NPHP4: variants seen among roughly 807,000 people sequenced by gnomAD.
NPHP4 encodes nephrocystin 4, also known as nephrocystin-4.
NPHP4 carries 151 observed loss-of-function variants against 155.8 expected under a neutral mutation model. That is an observed-to-expected ratio of 0.97 (90% CI 0.85 to 1.11). NPHP4 has a LOEUF of 1.11. NPHP4 is among the 50% of genes least tolerant of loss of function. The pLI is 0.00. For missense variants in NPHP4, 1,956 were observed against 1,925.7 expected, an observed-to-expected ratio of 1.02 and a Z score of -0.29; for synonymous variants, 845 against 816.8, an observed-to-expected ratio of 1.03 and a Z score of -0.59.
rs1653442541 is a variant in NPHP4, at chr1:5,975,773, C to T, written c.279+2497G>A. On this transcript the variant is annotated intron_variant, in intron 3 of 29. Coordinates refer to ENST00000378156, the MANE Select transcript of NPHP4 (RefSeq NM_015102.5). The stretch of plus-strand genomic sequence containing the variant: ...GTGGTGAAATGCAAGTGCTGCCCAA[C>T]TTCCGCCGCAACGGAAGCCCTCGGA... Among the ~76,000 whole-genome samples, 3 of 152,252 alleles carry T rather than the reference C, an allele frequency of 2.0e-5. No individual in the cohort carries two copies. The South Asian group carries it at 6.2e-4, about 31-fold the overall frequency.
At chr1:5,939,096 G>A (rs778062443) in intron 9 of NPHP4, among the ~76,000 whole-genome samples, 9 of 152,138 alleles carry the variant, frequency 5.9e-5, no homozygotes, top group Non-Finnish European at 7.3e-5. Flanking sequence ...CAAAGCTGCC[G>A]CAGGATAAAC....
At chr1:5,872,467 G>C (rs930657459) in intron 23 of NPHP4, among the ~76,000 whole-genome samples, 1 of 152,194 alleles carries the variant, frequency 6.6e-6, no homozygotes, top group Admixed American at 6.5e-5. Flanking sequence ...CGTTAACCTA[G>C]AGCACTCAAT....
chr1:5,885,132 C>T lies in NPHP4; in HGVS notation c.2485+2154G>A, dbSNP rs1432580600. On this transcript the variant is annotated intron_variant, in intron 18 of 29. Transcript: ENST00000378156. ...CCCTGTCCTACTCCACAACCAAGAT[C>T]ACTGCCCAAGCTCCCAGCCGAACCC... Among the ~76,000 whole-genome samples, 3 of 148,712 alleles carry T rather than the reference C, an allele frequency of 2.0e-5. No individual in the cohort carries two copies. In the South Asian group the frequency reaches 6.5e-4, roughly 32 times the overall value.
At chr1:5,979,990 G>A (rs1244759917) in intron 2 of NPHP4, among the ~76,000 whole-genome samples, 2 of 152,008 alleles carry the variant, frequency 1.3e-5, no homozygotes, top group African/African-American at 4.8e-5. Context: ...CCTCTGTCTG[G>A]CTCACACACC....
intron 13 of NPHP4, among the ~76,000 whole-genome samples, chr1:5,906,050 T>C (rs1057465249): frequency 6.6e-6 from 1 of 152,252 alleles, no homozygotes; most frequent in East Asian, 1.9e-4. Context: ...GGGCATCCTA[T>C]ATTTCACGTG....
intron 11 of NPHP4, among the ~76,000 whole-genome samples, chr1:5,921,079 C>A (rs1047908571): frequency 2.6e-5 from 4 of 152,324 alleles, no homozygotes; most frequent in South Asian, 4.1e-4. Context: ...AATAAGTATG[C>A]ATTCATAAGC....
At chr1:5,902,415 T>C (rs2101087195) in intron 16 of NPHP4, among the ~76,000 whole-genome samples, 1 of 152,316 alleles carries the variant, frequency 6.6e-6, no homozygotes, top group South Asian at 2.1e-4. Context: ...ACACCCTCTT[T>C]ATCATGAATA....
At chr1:5,932,597 C>T (rs1646331651) in intron 10 of NPHP4, among the ~76,000 whole-genome samples, 1 of 151,960 alleles carries the variant, frequency 6.6e-6, no homozygotes, top group Admixed American at 6.5e-5. Flanking sequence ...ACACTTCAAC[C>T]CACTTCGCTC....
intron 18 of NPHP4, chr1:5,881,220 C>T (rs544222380): frequency 2.0e-5 from 3 of 152,462 alleles, no homozygotes; most frequent in African/African-American, 7.2e-5. Flanking sequence ...CCGTCAGAAG[C>T]TGCTGTTTTC....
intron 3 of NPHP4, among the ~76,000 whole-genome samples, chr1:5,974,157 G>A (rs1653090279): frequency 6.6e-6 from 1 of 152,238 alleles, no homozygotes; most frequent in African/African-American, 2.4e-5. Flanking sequence ...GCTCTGACGA[G>A]TAAGAGCCGC....
chr1:5,974,366 A>C (rs1400475915), intron 3 of NPHP4, among the ~76,000 whole-genome samples: 2 of 152,216 alleles, frequency 1.3e-5, no homozygotes, highest in Admixed American at 6.5e-5. Flanking sequence ...ACTCCCCCCA[A>C]ATAAATAAAG....
intron 23 of NPHP4, among the ~76,000 whole-genome samples, chr1:5,872,057 G>C (rs1366473927): frequency 6.6e-6 from 1 of 152,162 alleles, no homozygotes; most frequent in Non-Finnish European, 1.5e-5. Context: ...TATCTGACTA[G>C]TGCACAGCCA....
intron 23 of NPHP4, among the ~76,000 whole-genome samples, chr1:5,871,334 C>T (rs540507365): frequency 6.6e-6 from 1 of 152,280 alleles, no homozygotes; most frequent in African/African-American, 2.4e-5. Context: ...AAGAGCGGTG[C>T]CTCCATGGGA....
In NPHP4 at chr1:5,904,818, C is replaced by A. The variant is rs772117202; in HGVS notation, c.1956-14G>T. On this transcript the variant is annotated splice_polypyrimidine_tract_variant and intron_variant, in intron 15 of 29. Transcript: ENST00000378156. ...TCCTGGGCCACTCTGAATCCAACAA[C>A]AGCTCTGGGTTAACTGAGTATCCAT... 3 of 1,613,496 alleles carry A rather than the reference C, an allele frequency of 1.9e-6. No individual in the cohort carries two copies. The highest frequency in any genetic ancestry group is 2.5e-6 in the Non-Finnish European group (3 of 1,179,440).
intron 11 of NPHP4, among the ~76,000 whole-genome samples, chr1:5,911,338 G>A (rs1435977959): frequency 5.3e-5 from 8 of 152,146 alleles, no homozygotes; most frequent in South Asian, 2.1e-4. Flanking sequence ...CCGTTCCTCC[G>A]TAAATGGGAA....
At chr1:5,968,621 A>G (rs1354393265) in intron 4 of NPHP4, among the ~76,000 whole-genome samples, 2 of 151,106 alleles carry the variant, frequency 1.3e-5, no homozygotes, top group Non-Finnish European at 2.9e-5. Context: ...AAAAAGGCAA[A>G]CCCCCAAGCA....
chr1:5,923,258 T>G (rs545691973), intron 11 of NPHP4, among the ~76,000 whole-genome samples: 1 of 152,320 alleles, frequency 6.6e-6, no homozygotes, highest in South Asian at 2.1e-4. Context: ...AGAGTAACAG[T>G]GATCAGATTG....
intron 26 of NPHP4, chr1:5,865,616 C>T (rs955081672): frequency 8.5e-6 from 2 of 236,040 alleles, no homozygotes; most frequent in African/African-American, 4.5e-5. Flanking sequence ...TGTCCACCCC[C>T]AATAGGGGTT....
intron 7 of NPHP4, among the ~76,000 whole-genome samples, chr1:5,949,900 C>T (rs551205891): frequency 8.7e-4 from 133 of 152,208 alleles, no homozygotes; most frequent in Admixed American, 2.3e-3. Flanking sequence ...CAGGGGAAAC[C>T]GGCAAAGACC....
Sources: gnomAD v4.1 joint callset for allele counts (sites outside exome capture counted in the v4.1 genomes callset) on GRCh38, gnomAD v4.1.1 for gene constraint, MANE v1.5 for transcripts, NCBI Gene and HGNC (gene_info 2026-07-23, HGNC 2026-07-21) for gene names.